The following EVPL variants were observed in gnomAD, a reference collection of about 807,000 sequenced individuals.
EVPL encodes envoplakin, also known as 210 kDa cornified envelope precursor protein.
Under a neutral mutation model 129.7 loss-of-function variants are expected in EVPL, and 94 were observed. The observed-to-expected ratio is 0.72, with a 90% CI of 0.61 to 0.86. EVPL has a LOEUF of 0.86. Ranked by LOEUF, EVPL falls within the 40% of genes least tolerant of loss-of-function variation. EVPL has a pLI of 0.00. For synonymous variants in EVPL, 1,172 were observed against 1,191.1 expected (o/e 0.98, Z 0.33); for missense variants, 2,625 against 2,721.1 (o/e 0.96, Z 0.79).
Position 76,022,225 on chromosome 17 carries a change from A to G in EVPL, c.609T>C (p.Asp203=), listed in dbSNP as rs2066466456. ...GQQLRSLVGP[D]AATIRSQYRD... is the part of the protein sequence containing the mutation. ...GGTATTGGCTCCGGATGGTGGCTGC[A>G]TCCTGCCTCGACCAAGGGGAGAAAC... is the stretch of plus-strand genomic sequence containing the variant. Residue 203 remains aspartate (D), a splice_region_variant and synonymous_variant, in exon 6 of 22, where the codon GAT becomes GAC. Coordinates refer to ENST00000301607, the MANE Select transcript of EVPL (RefSeq NM_001988.4). The surrounding 1 kb of genome is among the most constrained non-coding windows in gnomAD (Gnocchi z 5.6). 9.3e-6 allele frequency: 15 copies of G among 1,613,050 alleles called. No homozygotes were observed. The highest frequency in any genetic ancestry group is 1.3e-5 in the Non-Finnish European group (15 of 1,179,846).
chr17:76,023,450 G>A (rs1402300290), intron 3 of EVPL, 32 bp from the exon 4 acceptor site: 1 of 1,612,618 alleles, frequency 6.2e-7, no homozygotes, highest in Non-Finnish European at 8.5e-7. Context: ...GGTCAGGGCT[G>A]GACCTGGGTC....
Position 76,008,833 on chromosome 17 carries a change from C to T in EVPL, c.4372G>A (p.Glu1458Lys), listed in dbSNP as rs1325458505. 5.0e-6 allele frequency: 8 copies of T among 1,613,874 alleles called. No individual in the cohort carries two copies. In the African/African-American group the frequency reaches 6.7e-5, roughly 13 times the overall value. The change falls in exon 22 of 22, where the codon GAG becomes AAG. Residue 1458 changes from glutamate to lysine, a missense_variant. Around this residue, in one of 4 missense-constraint regions of EVPL, gnomAD observed 1,453 missense variants for 1,511.8 expected, o/e 0.96. Transcript: ENST00000301607. This position sits in a 1 kb window ranked among gnomAD's most constrained non-coding sequence, Gnocchi z 7.4. ...ELEKRPPTVQ[E>K]KIIMEEVVKL... Reference sequence around the variant, plus strand: ...ACCACTTCCTCCATGATGATCTTCTCCTGCACCGTGGGAGGCCGCTTCTCG... The same window carrying T: ...ACCACTTCCTCCATGATGATCTTCTTCTGCACCGTGGGAGGCCGCTTCTCG...
At position 76,017,885 on chromosome 17, in the gene EVPL, G is replaced by A. The variant is rs770843526; in HGVS notation, c.1564C>T (p.Pro522Ser). The change falls in exon 14 of 22, where the codon CCA (proline) becomes TCA (serine). Residue 522 changes from proline to serine, a missense_variant. This residue lies in a region of EVPL where 1,024 missense variants were observed against 997.5 expected (regional missense o/e 1.03). Coordinates refer to ENST00000301607, the MANE Select transcript of EVPL (RefSeq NM_001988.4). ...TGTGTCAGGAGCTTCTGGGCCTGTG[G>A]GTTGGCCAGGTCTGAGCCAGATGGA... ...QAPSGSDLAN[P>S]QAQKLLTQMT... 6.2e-7 allele frequency: 1 copy of A among 1,614,146 alleles called. No homozygotes were observed. The highest frequency in any genetic ancestry group is 1.7e-5 in the Admixed American group (1 of 60,036).
chr17:76,023,969 T>G, intron 2 of EVPL, 52 bp downstream of exon 2: 1 of 1,570,780 alleles, frequency 6.4e-7, no homozygotes, highest in Admixed American at 1.8e-5. Flanking sequence ...ATGATGGGCC[T>G]CCCATGCCAC....
chr17:76,009,681 T>C lies in EVPL; in HGVS notation c.3524A>G (p.Asp1175Gly). The C allele has an allele frequency of 6.2e-7, 1 of 1,613,540 alleles. No individual in the cohort carries two copies. The highest frequency in any genetic ancestry group is 8.5e-7 in the Non-Finnish European group (1 of 1,180,012). Residue 1175 changes from aspartate (D) to glycine (G), a missense_variant, in exon 22 of 22, where the codon GAC (aspartate) becomes GGC (glycine). Physicochemically the swap from Asp to Gly is moderately conservative, Grantham distance 94. This residue lies in a region of EVPL where 1,453 missense variants were observed against 1,511.8 expected (regional missense o/e 0.96). Transcript: ENST00000301607. This position sits in a 1 kb window ranked among gnomAD's most constrained non-coding sequence, Gnocchi z 5.9. ...CACCACGCTGTACTTGCTGTGCAGG[T>C]CGCTCAGCTCCCTGGCCAGCGTCGC... ...KNATLARELS[D>G]LHSKYSVVEK... is the part of the protein sequence containing the mutation.
chr17:76,007,002 G>A lies in EVPL; in HGVS notation c.*101C>T, dbSNP rs978383437. ...AATAATAAAACAGTGGTTGGACAGA[G>A]GGAAGACCCACTGCCTGGGATGAGG... is the stretch of plus-strand genomic sequence containing the variant. On this transcript the variant is annotated 3_prime_UTR_variant, in exon 22 of 22. Coordinates refer to ENST00000301607, the MANE Select transcript of EVPL (RefSeq NM_001988.4). This position sits in a 1 kb window ranked among gnomAD's most constrained non-coding sequence, Gnocchi z 8.8. 15 of 1,223,886 alleles carry A rather than the reference G, an allele frequency of 1.2e-5. No individual in the cohort carries two copies. The highest frequency in any genetic ancestry group is 1.6e-5 in the Non-Finnish European group (15 of 964,432). The allele number at this position is 1,223,886 out of a possible 1,614,324, so 75.8% of individuals were successfully genotyped here. A position where few individuals can be genotyped will look rare whatever the true frequency, so the allele number is the denominator to read the frequency against.
intron 9 of EVPL, among the ~76,000 whole-genome samples, 177 bp from the exon 10 acceptor site, chr17:76,019,830 G>A (rs184055525): frequency 6.7e-6 from 1 of 148,884 alleles, no homozygotes. Flanking sequence ...ACCAGTAACC[G>A]CTAAGCCAGC....
chr17:76,012,168 CCA>C, intron 18 of EVPL, 79 bp from the exon 19 acceptor site: 1 of 1,118,320 alleles, frequency 8.9e-7, no homozygotes, highest in Non-Finnish European at 1.3e-6. Flanking sequence ...GCCTCCAGGG[CCA>C]CAGTCAGGCA....
chr17:76,007,921 C>A lies in EVPL; in HGVS notation c.5284G>T (p.Glu1762Ter). 2 of 1,614,096 alleles carry A rather than the reference C, an allele frequency of 1.2e-6. No homozygotes were observed. The highest frequency in any genetic ancestry group is 1.7e-6 in the Non-Finnish European group (2 of 1,180,032). ...ALRCRRISKE[E>*]YHLYKDGHLP... ...TGGCCGTCCTTGTACAGATGGTACT[C>A]CTCCTTAGAGATGCGCCGGCAGCGG... Residue 1762 changes from glutamate (E) to a stop codon, truncating the protein, a stop_gained, in exon 22 of 22, where the codon GAG becomes TAG. Coordinates refer to ENST00000301607, the MANE Select transcript of EVPL (RefSeq NM_001988.4). LOFTEE classifies it low-confidence loss of function (END_TRUNC). The surrounding 1 kb of genome is among the most constrained non-coding windows in gnomAD (Gnocchi z 8.8).
At chr17:76,026,090 C>T (rs1282891686) in intron 1 of EVPL, among the ~76,000 whole-genome samples, 7 of 151,750 alleles carry the variant, frequency 4.6e-5, no homozygotes, top group Non-Finnish European at 8.8e-5. Context: ...TACAGGCATG[C>T]GCCACTACAT....
At chr17:76,019,778 C>G (rs1382223646) in intron 9 of EVPL, 125 bp from the exon 10 acceptor site, 1 of 1,216,108 alleles carries the variant, frequency 8.2e-7, no homozygotes, top group Non-Finnish European at 1.1e-6. Context: ...AAACACAAAC[C>G]AGCTAAACAC....
At position 76,010,356 on chromosome 17, in the gene EVPL, G is replaced by A. The variant is rs763549015; in HGVS notation, c.2849C>T (p.Pro950Leu). Reference sequence around the variant, plus strand: ...TTCCTTCTCCTCCAGCCTCTCCAAGGGCCGCTGGGTCCTCAGCTGCAGCAG... The same window carrying A: ...TTCCTTCTCCTCCAGCCTCTCCAAGAGCCGCTGGGTCCTCAGCTGCAGCAG... ...SQLLQLRTQRPLERLEEKEVV... is the reference protein window; with the variant it reads ...SQLLQLRTQRLLERLEEKEVV... The change falls in exon 22 of 22, where the codon CCC becomes CTC. Residue 950 changes from proline to leucine, a missense_variant. By Grantham distance (98) the Pro-to-Leu change is moderately conservative. This residue lies in a region of EVPL where 1,453 missense variants were observed against 1,511.8 expected (regional missense o/e 0.96). Transcript: ENST00000301607. 28 of 1,613,944 alleles carry A rather than the reference G, an allele frequency of 1.7e-5. No individual in the cohort carries two copies. Among genetic ancestry groups the A allele is most frequent in the Non-Finnish European group, 1.4e-5 (17 of 1,180,012 alleles).
rs201015085 is a variant in EVPL, at chr17:76,007,541, G to T, written c.5664C>A (p.Ile1888=). ...GCAGCCTCTGTGTGGAGGTGTTCTCGATCAGGCCCCTCTCCATCGCCTTGT... is the reference window on the plus strand; with the variant it reads ...GCAGCCTCTGTGTGGAGGTGTTCTCTATCAGGCCCCTCTCCATCGCCTTGT... ...SVHKAMERGL[I]ENTSTQRLLN... is the part of the protein sequence containing the mutation. The change falls in exon 22 of 22, where the codon ATC becomes ATA. Residue 1888 remains isoleucine (I), a synonymous_variant. Coordinates refer to ENST00000301607, the MANE Select transcript of EVPL (RefSeq NM_001988.4). This position sits in a 1 kb window ranked among gnomAD's most constrained non-coding sequence, Gnocchi z 8.8. The T allele has an allele frequency of 2.7e-5, 44 of 1,613,814 alleles. No homozygotes were observed. Among genetic ancestry groups the T allele is most frequent in the Non-Finnish European group, 3.6e-5 (42 of 1,180,038 alleles).
intron 9 of EVPL, among the ~76,000 whole-genome samples, chr17:76,019,863 A>G (rs2066445362): frequency 6.6e-6 from 1 of 152,210 alleles, no homozygotes. Context: ...AACTAAACAC[A>G]AATCAGCTAA....
At chr17:76,015,421 C>A (rs1327322886) in intron 15 of EVPL, 29 bp downstream of exon 15, 1 of 1,605,772 alleles carries the variant, frequency 6.2e-7, no homozygotes, top group African/African-American at 1.3e-5. Context: ...TGCTGCCCTG[C>A]GTGGCTGCCC....
chr17:76,009,714 G>C lies in EVPL; in HGVS notation c.3491C>G (p.Thr1164Ser). Residue 1164 changes from threonine (T) to serine (S), a missense_variant, in exon 22 of 22, where the codon ACC (threonine) becomes AGC (serine). Coordinates refer to ENST00000301607, the MANE Select transcript of EVPL (RefSeq NM_001988.4). This position sits in a 1 kb window ranked among gnomAD's most constrained non-coding sequence, Gnocchi z 5.9. The stretch of plus-strand genomic sequence containing the variant: ...CTCCCTGGCCAGCGTCGCGTTCTTG[G>C]TCCTCTCCTCCTCGAGGAGGCTCCT... ...RLRSLLEEER[T>S]KNATLARELS... is the part of the protein sequence containing the mutation. 6.2e-7 allele frequency: 1 copy of C among 1,613,538 alleles called. No homozygotes were observed. The highest frequency in any genetic ancestry group is 8.5e-7 in the Non-Finnish European group (1 of 1,180,002).
At position 76,013,129 on chromosome 17, in the gene EVPL, C is replaced by T. The variant is rs2066392014; in HGVS notation, c.2374-1040G>A. The stretch of plus-strand genomic sequence containing the variant: ...GGCTCCAATTGGAAAGTTCTCAATA[C>T]GGGATGCCCACTTTTATTCACCTGG... On this transcript the variant is annotated intron_variant, in intron 18 of 21. Transcript: ENST00000301607. This position sits in a 1 kb window ranked among gnomAD's most constrained non-coding sequence, Gnocchi z 4.3. Among the ~76,000 whole-genome samples, 1 of 152,192 alleles carries T rather than the reference C, an allele frequency of 6.6e-6. No individual in the cohort carries two copies. The highest frequency in any genetic ancestry group is 2.4e-5 in the African/African-American group (1 of 41,442).
At position 76,007,767 on chromosome 17, in the gene EVPL, G is replaced by A. The variant is rs373617823; in HGVS notation, c.5438C>T (p.Ser1813Phe). Residue 1813 changes from serine (S) to phenylalanine (F), a missense_variant, in exon 22 of 22, where the codon TCT becomes TTT. Around this residue, in one of 4 missense-constraint regions of EVPL, gnomAD observed 1,453 missense variants for 1,511.8 expected, o/e 0.96. Coordinates refer to ENST00000301607, the MANE Select transcript of EVPL (RefSeq NM_001988.4). This position sits in a 1 kb window ranked among gnomAD's most constrained non-coding sequence, Gnocchi z 8.8. ...SPAPQSTSFF[S>F]PSFSLGLGDD... ...ACCGAGCCCGAGAGAGAAGCTGGGAGAGAAGAAACTGGTGCTCTGGGGGGC... is the reference window on the plus strand; with the variant it reads ...ACCGAGCCCGAGAGAGAAGCTGGGAAAGAAGAAACTGGTGCTCTGGGGGGC... The A allele has an allele frequency of 2.2e-4, 353 of 1,612,606 alleles. No individual in the cohort carries two copies. Among genetic ancestry groups the A allele is most frequent in the Non-Finnish European group, 2.9e-4 (345 of 1,178,966 alleles).
In EVPL at chr17:76,007,298, G is replaced by A. The variant is rs761538749; in HGVS notation, c.5907C>T (p.Ala1969=). 11 of 1,555,022 alleles carry A rather than the reference G, an allele frequency of 7.1e-6. No individual in the cohort carries two copies. The highest frequency in any genetic ancestry group is 3.9e-5 in the Admixed American group (2 of 51,572). ...LLSGMISEEL[A]QLLQDESSYE... Reference sequence around the variant, plus strand: ...AGCTGGACTCGTCCTGCAGGAGCTGGGCCAGCTCTTCACTGATCATCCCGG... The same window carrying A: ...AGCTGGACTCGTCCTGCAGGAGCTGAGCCAGCTCTTCACTGATCATCCCGG... The change falls in exon 22 of 22, where the codon GCC becomes GCT. Residue 1969 remains alanine, a synonymous_variant. Transcript: ENST00000301607. This position sits in a 1 kb window ranked among gnomAD's most constrained non-coding sequence, Gnocchi z 8.8.
Sources: gnomAD v4.1 joint callset for allele counts (sites outside exome capture counted in the v4.1 genomes callset) on GRCh38, gnomAD v4.1.1 for gene constraint, gnomAD v4.1.1 regional missense constraint, Gnocchi (gnomAD v3.1) non-coding constraint, MANE v1.5 for transcripts, NCBI Gene and HGNC (gene_info 2026-07-23, HGNC 2026-07-21) for gene names.